Variants in SEMA5A observed in about 807,000 individuals in gnomAD.
SEMA5A encodes the protein semaphorin 5A, also known as semaphorin-5A.
SEMA5A carries 55 observed loss-of-function variants against 135.5 expected under a neutral mutation model. That is an observed-to-expected ratio of 0.41 (90% CI 0.33 to 0.51). The LOEUF is 0.51. SEMA5A is among the 20% of genes least tolerant of loss of function. The pLI is 0.37. For missense variants in SEMA5A, 1,290 were observed against 1,419.9 expected (o/e 0.91, Z 1.47); for synonymous variants, 580 against 546.5 (o/e 1.06, Z -0.85).
intron 16 of SEMA5A, among the ~76,000 whole-genome samples, chr5:9,097,697 C>T (rs1367104366): frequency 6.6e-6 from 1 of 151,808 alleles, no homozygotes; most frequent in Non-Finnish European, 1.5e-5. Context: ...GAGAGTGTTA[C>T]TCTCACTCAG....
chr5:9,427,224 T>G (rs1579522262), intron 2 of SEMA5A, among the ~76,000 whole-genome samples: 1 of 151,562 alleles, frequency 6.6e-6, no homozygotes, highest in East Asian at 1.9e-4. Context: ...GGCAGGAGAA[T>G]CTCTTGAACC....
chr5:9,196,426 G>A (rs1002756646), intron 10 of SEMA5A, among the ~76,000 whole-genome samples: 5 of 152,172 alleles, frequency 3.3e-5, no homozygotes, highest in Non-Finnish European at 5.9e-5. Flanking sequence ...ACCTGAAAAT[G>A]GCCCTGCTCA....
At chr5:9,302,987 G>C (rs1033324281) in intron 5 of SEMA5A, among the ~76,000 whole-genome samples, 2 of 151,648 alleles carry the variant, frequency 1.3e-5, no homozygotes, top group Non-Finnish European at 2.9e-5. Flanking sequence ...GGGAAATTAT[G>C]GTAAAGTATA....
chr5:9,126,741 C>T (rs576797886), intron 13 of SEMA5A, among the ~76,000 whole-genome samples: 5 of 152,266 alleles, frequency 3.3e-5, no homozygotes, highest in Admixed American at 1.3e-4. Context: ...CTTCAGGCAG[C>T]TGAGTCAGTT....
rs1432200015 is a variant in SEMA5A, at chr5:9,037,033, A to G, written c.*5864T>C. 6.6e-6 allele frequency: 1 copy of G among 152,236 alleles called. No homozygotes were observed. Among genetic ancestry groups the G allele is most frequent in the Non-Finnish European group, 1.5e-5 (1 of 68,044 alleles). The allele number at this position is 152,236 out of a possible 1,614,324, so 9.4% of individuals were successfully genotyped here. On this transcript the variant is annotated 3_prime_UTR_variant, in exon 23 of 23. Transcript: ENST00000382496. ...TTGGAATATTTGGCATTAAATTGCC[A>G]AAAGGCTGAGAAAGAACAAGATCAC...
intron 2 of SEMA5A, among the ~76,000 whole-genome samples, chr5:9,413,297 C>T (rs183571692): frequency 2.0e-5 from 3 of 152,150 alleles, no homozygotes; most frequent in Non-Finnish European, 4.4e-5. Flanking sequence ...ACCATCTACA[C>T]TAGATATATA....
intron 5 of SEMA5A, among the ~76,000 whole-genome samples, chr5:9,304,072 TTTG>T (rs1287147498): frequency 1.3e-5 from 2 of 152,104 alleles, no homozygotes; most frequent in Non-Finnish European, 2.9e-5. Flanking sequence ...TCCACCAAAA[TTTG>T]TTGTTTTCAT....
At chr5:9,477,277 G>A in intron 1 of SEMA5A, among the ~76,000 whole-genome samples, 1 of 152,130 alleles carries the variant, frequency 6.6e-6, no homozygotes, top group East Asian at 1.9e-4. Context: ...GTTCTTTATA[G>A]CAGTGAAAAC....
chr5:9,153,226 T>G (rs1742731979), intron 12 of SEMA5A, among the ~76,000 whole-genome samples: 1 of 152,102 alleles, frequency 6.6e-6, no homozygotes, highest in Non-Finnish European at 1.5e-5. Flanking sequence ...CTACTCCAAA[T>G]CTGCAATTAC....
chr5:9,148,675 C>T (rs1480050924), intron 12 of SEMA5A, among the ~76,000 whole-genome samples: 2 of 152,112 alleles, frequency 1.3e-5, no homozygotes, highest in African/African-American at 4.8e-5. Flanking sequence ...CCTGAGAGTA[C>T]AGTGCCTTAG....
chr5:9,445,788 C>A (rs1345195390), intron 1 of SEMA5A, among the ~76,000 whole-genome samples: 1 of 152,156 alleles, frequency 6.6e-6, no homozygotes, highest in Non-Finnish European at 1.5e-5. Flanking sequence ...AATAAGTCCC[C>A]ATGTGATGAC....
chr5:9,139,371 G>T (rs1741939384), intron 12 of SEMA5A, among the ~76,000 whole-genome samples: 2 of 152,152 alleles, frequency 1.3e-5, no homozygotes, highest in Non-Finnish European at 2.9e-5. Context: ...GAGTGCCTCT[G>T]CTGCCTCACC....
intron 5 of SEMA5A, among the ~76,000 whole-genome samples, chr5:9,271,609 G>C (rs1410397758): frequency 1.3e-5 from 2 of 152,166 alleles, no homozygotes; most frequent in African/African-American, 2.4e-5. Context: ...TGGCAGAATA[G>C]GAACTGCAGC....
intron 16 of SEMA5A, among the ~76,000 whole-genome samples, chr5:9,107,547 A>G (rs1358753981): frequency 1.3e-5 from 2 of 152,206 alleles, no homozygotes; most frequent in African/African-American, 4.8e-5. Context: ...TAGAGTAGCC[A>G]TATATAAGCA....
intron 1 of SEMA5A, among the ~76,000 whole-genome samples, chr5:9,527,455 T>G (rs1159750492): frequency 6.6e-6 from 1 of 152,226 alleles, no homozygotes; most frequent in Non-Finnish European, 1.5e-5. Context: ...CTGGTTTTAT[T>G]TTTAGCAAAT....
intron 11 of SEMA5A, among the ~76,000 whole-genome samples, chr5:9,155,138 G>A (rs1022180031): frequency 6.6e-6 from 1 of 152,166 alleles, no homozygotes; most frequent in East Asian, 1.9e-4. Context: ...CAAATATCCA[G>A]TACGACTGTG....
At chr5:9,091,282 A>C (rs1739019465) in intron 16 of SEMA5A, among the ~76,000 whole-genome samples, 1 of 152,228 alleles carries the variant, frequency 6.6e-6, no homozygotes, top group South Asian at 2.1e-4. Flanking sequence ...AACTGTCAGA[A>C]TTTTAAAAAT....
chr5:9,513,063 T>C (rs1561311766), intron 1 of SEMA5A, among the ~76,000 whole-genome samples: 2 of 96,760 alleles, frequency 2.1e-5, no homozygotes, highest in African/African-American at 8.6e-5. Flanking sequence ...CAAATATATA[T>C]ATATAATATA....
chr5:9,516,313 T>C (rs576857662), intron 1 of SEMA5A, among the ~76,000 whole-genome samples: 1 of 152,138 alleles, frequency 6.6e-6, no homozygotes, highest in East Asian at 1.9e-4. Context: ...CTGCTGTCCA[T>C]GAAGAGCAGG....
Sources: allele counts gnomAD v4.1 joint callset (sites outside exome capture counted in the v4.1 genomes callset), GRCh38; gene constraint gnomAD v4.1.1; transcripts MANE v1.5; gene names NCBI Gene and HGNC (gene_info 2026-07-23, HGNC 2026-07-21).